Variants in SAMD4B observed in about 807,000 individuals in gnomAD.
SAMD4B encodes sterile alpha motif domain containing 4B.
SAMD4B carries 5 observed loss-of-function variants against 74.5 expected under a neutral mutation model. The observed-to-expected ratio is 0.07, with a 90% CI of 0.04 to 0.14. The LOEUF is 0.14. Ranked by LOEUF, SAMD4B falls within the 10% of genes least tolerant of loss-of-function variation. The probability of loss-of-function intolerance (pLI) is 1.00; values close to 1 mark genes in which losing one functional copy is unlikely to be tolerated. For synonymous variants in SAMD4B, 373 were observed against 374.9 expected, an observed-to-expected ratio of 1.00 and a Z score of 0.06; for missense variants, 608 against 921.8, an observed-to-expected ratio of 0.66 and a Z score of 4.41.
chr19:39,377,838 C>A lies in SAMD4B; in HGVS notation c.1444+14C>A. On this transcript the variant is annotated intron_variant, in intron 8 of 13. Transcript: ENST00000610417. Reference sequence around the variant, plus strand: ...TGATGGGCAAAGGTGAGACCAGCCACAGCCTAGCAGGAAATCCTGAGGCAG... The same window carrying A: ...TGATGGGCAAAGGTGAGACCAGCCAAAGCCTAGCAGGAAATCCTGAGGCAG... 1 of 1,551,620 alleles carries A rather than the reference C, an allele frequency of 6.4e-7. No individual in the cohort carries two copies. The highest frequency in any genetic ancestry group is 1.2e-5 in the South Asian group (1 of 83,082).
chr19:39,387,490 C>T (rs947241779), downstream of SAMD4B, among the ~76,000 whole-genome samples: 5 of 152,154 alleles, frequency 3.3e-5, no homozygotes, highest in African/African-American at 1.2e-4. Flanking sequence ...GTGAATAGTG[C>T]CCTCCATGGT....
chr19:39,342,442 ACGGCGGCGG>A lies in SAMD4B; in HGVS notation c.-385_-377del, dbSNP rs920214608. The A allele has an allele frequency of 6.6e-4, 118 of 177,676 alleles. 3 individuals carry two copies. Among genetic ancestry groups the A allele is most frequent in the African/African-American group, 1.5e-3 (63 of 41,238 alleles). 11.0% of individuals were successfully genotyped at this position (177,676 alleles called of 1,614,324 possible). ...ACGCACGGCGCGGTGACGCAGCGCG[ACGGCGGCGG>A]CGGCGGCGGCGGCGGTGGTCGGTGC... is the stretch of plus-strand genomic sequence containing the variant. On this transcript the variant is annotated 5_prime_UTR_variant, in exon 1 of 14. Coordinates refer to ENST00000610417, the MANE Select transcript of SAMD4B (RefSeq NM_001384574.2).
chr19:39,385,616 T>C lies in SAMD4B; in HGVS notation c.*2089T>C. ...GTAACTGTACAGTTTTTCTCGCTGTTGGAGAAGACTTATTTGTTGGAGTTT... is the reference window on the plus strand; with the variant it reads ...GTAACTGTACAGTTTTTCTCGCTGTCGGAGAAGACTTATTTGTTGGAGTTT... On this transcript the variant is annotated 3_prime_UTR_variant, in exon 14 of 14. Coordinates refer to ENST00000610417, the MANE Select transcript of SAMD4B (RefSeq NM_001384574.2). 3 of 512,878 alleles carry C rather than the reference T, an allele frequency of 5.8e-6. No homozygotes were observed. The highest frequency in any genetic ancestry group is 1.0e-5 in the Non-Finnish European group (3 of 293,762). 31.8% of individuals were successfully genotyped at this position (512,878 alleles called of 1,614,324 possible).
chr19:39,386,651 AC>A, downstream of SAMD4B: 1 of 1,598,424 alleles, frequency 6.3e-7, no homozygotes, highest in Non-Finnish European at 8.6e-7. This position sits in a 1 kb window ranked among gnomAD's most constrained non-coding sequence, Gnocchi z 6.1. Flanking sequence ...TACAACCACC[AC>A]CCTCCCTGCC....
intron 3 of SAMD4B, among the ~76,000 whole-genome samples, chr19:39,365,242 TAAA>T (rs57136164): frequency 7.7e-5 from 7 of 90,878 alleles, no homozygotes; most frequent in East Asian, 2.9e-4. Context: ...CGAGACTCCG[TAAA>T]AAAAAAAAAA....
In SAMD4B at chr19:39,383,590, C is replaced by A; in HGVS notation, c.*63C>A. ...GCGGCGGGCGGGGGCCAACCCCCAA[C>A]GGGCTTCTCCGCGACAGCGAGAGGG... On this transcript the variant is annotated 3_prime_UTR_variant, in exon 14 of 14. Transcript: ENST00000610417. This position sits in a 1 kb window ranked among gnomAD's most constrained non-coding sequence, Gnocchi z 4.1. 1.2e-6 allele frequency: 2 copies of A among 1,614,036 alleles called. No individual in the cohort carries two copies. Among genetic ancestry groups the A allele is most frequent in the Non-Finnish European group, 1.7e-6 (2 of 1,179,998 alleles).
At chr19:39,361,876 G>A (rs888616156) in intron 3 of SAMD4B, among the ~76,000 whole-genome samples, 8 of 152,118 alleles carry the variant, frequency 5.3e-5, no homozygotes, top group South Asian at 4.1e-4. Context: ...GCAATGATCC[G>A]AGATCGCACC....
Position 39,378,520 on chromosome 19 carries a change from G to T in SAMD4B, c.1461G>T (p.Leu487=). The change falls in exon 9 of 14, where the codon CTG becomes CTT. Residue 487 remains leucine (L), a synonymous_variant. Transcript: ENST00000610417. The surrounding 1 kb of genome is among the most constrained non-coding windows in gnomAD (Gnocchi z 4.4). The stretch of plus-strand genomic sequence containing the variant: ...TCCCCCCAGTGTGCACCCAACTGCT[G>T]GTGTCCCGACCAGACGAGGAGAACA... ...RVMGKVCTQL[L]VSRPDEENIT... The T allele has an allele frequency of 6.2e-7, 1 of 1,613,942 alleles. No individual in the cohort carries two copies. The highest frequency in any genetic ancestry group is 8.5e-7 in the Non-Finnish European group (1 of 1,179,946).
At chr19:39,385,894 G>T (rs1294820234), downstream of SAMD4B, 3 of 1,529,390 alleles carry the variant, frequency 2.0e-6, no homozygotes, top group East Asian at 2.4e-5. Context: ...TTTGGGGGTG[G>T]GGAACAAACA....
At chr19:39,387,491 C>T (rs1007845677), downstream of SAMD4B, among the ~76,000 whole-genome samples, 4 of 152,130 alleles carry the variant, frequency 2.6e-5, no homozygotes, top group African/African-American at 9.7e-5. Flanking sequence ...TGAATAGTGC[C>T]CTCCATGGTT....
intron 3 of SAMD4B, among the ~76,000 whole-genome samples, chr19:39,357,713 T>C (rs1022561985): frequency 6.6e-6 from 1 of 152,192 alleles, no homozygotes; most frequent in Admixed American, 6.5e-5. Flanking sequence ...CAGGGGCTAC[T>C]GCTGAAGCTA....
chr19:39,353,327 C>T (rs879466319), intron 1 of SAMD4B, among the ~76,000 whole-genome samples: 1 of 152,118 alleles, frequency 6.6e-6, no homozygotes, highest in Non-Finnish European at 1.5e-5. Context: ...AATATGTATT[C>T]ACTTGCAACT....
At chr19:39,370,232 T>C in intron 4 of SAMD4B, 107 bp downstream of exon 4, 2 of 1,115,920 alleles carry the variant, frequency 1.8e-6, no homozygotes, top group Middle Eastern at 3.0e-4. Flanking sequence ...ACATAAGCTG[T>C]AGGCCTCAAC....
At chr19:39,363,263 C>T (rs2076758726) in intron 3 of SAMD4B, among the ~76,000 whole-genome samples, 1 of 152,176 alleles carries the variant, frequency 6.6e-6, no homozygotes, top group African/African-American at 2.4e-5. Flanking sequence ...TCCATGTTTG[C>T]AGAGTCCAAG....
chr19:39,386,406 G>A, downstream of SAMD4B: 1 of 1,614,036 alleles, frequency 6.2e-7, no homozygotes, highest in Non-Finnish European at 8.5e-7. This position sits in a 1 kb window ranked among gnomAD's most constrained non-coding sequence, Gnocchi z 6.1. Context: ...CTCCTCATCT[G>A]GAAGGGAGTG....
chr19:39,353,705 G>A (rs1250292260), intron 1 of SAMD4B, among the ~76,000 whole-genome samples: 2 of 152,070 alleles, frequency 1.3e-5, no homozygotes, highest in Non-Finnish European at 2.9e-5. Context: ...GGGTTCAAGC[G>A]TTTCTCCTGC....
intron 3 of SAMD4B, 105 bp from the exon 4 acceptor site, chr19:39,369,539 AAAATCGTTATG>A: frequency 1.0e-5 from 8 of 797,464 alleles, no homozygotes; most frequent in Non-Finnish European, 1.6e-5. Context: ...TTATGAAAAG[AAAATCGTTATG>A]AAAAGAAGAT....
At chr19:39,364,186 G>T (rs949454154) in intron 3 of SAMD4B, among the ~76,000 whole-genome samples, 3 of 152,210 alleles carry the variant, frequency 2.0e-5, no homozygotes, top group African/African-American at 7.2e-5. Flanking sequence ...ATGTCCCCTG[G>T]CAGTACCAGA....
chr19:39,358,063 G>C (rs758193189), intron 3 of SAMD4B, among the ~76,000 whole-genome samples: 3 of 152,136 alleles, frequency 2.0e-5, no homozygotes, highest in Non-Finnish European at 4.4e-5. Flanking sequence ...CTGAGGTCGG[G>C]AGTTCGAGAC....
Sources: gnomAD v4.1 joint callset for allele counts (sites outside exome capture counted in the v4.1 genomes callset) on GRCh38, gnomAD v4.1.1 for gene constraint, Gnocchi (gnomAD v3.1) non-coding constraint, MANE v1.5 for transcripts, NCBI Gene and HGNC (gene_info 2026-07-23, HGNC 2026-07-21) for gene names.